S100Z: variants seen among roughly 807,000 people sequenced by gnomAD.
S100Z encodes S100 calcium binding protein Z.
A neutral mutation model predicts 8.5 loss-of-function variants in S100Z; 11 were observed. That is an observed-to-expected ratio of 1.30 (90% CI 0.82 to 2.15). The LOEUF (loss-of-function observed/expected upper bound fraction) is 2.15. Among genes scored for constraint, S100Z ranks in the 30% most tolerant of loss-of-function variants. The pLI, the probability that S100Z is intolerant of heterozygous loss-of-function variation, is 0.00. For synonymous variants in S100Z, 34 were observed against 43.8 expected, an observed-to-expected ratio of 0.78 and a Z score of 0.89; for missense variants, 126 against 117.9, an observed-to-expected ratio of 1.07 and a Z score of -0.32.
intron 4 of S100Z, among the ~76,000 whole-genome samples, chr5:76,890,545 A>C (rs1743821354): frequency 6.6e-6 from 1 of 152,134 alleles, no homozygotes; most frequent in Non-Finnish European, 1.5e-5. Flanking sequence ...AGCTGCCTGG[A>C]AGTCTGAGGC....
At chr5:76,936,616 T>TAAACACAC in the S100Z span, among the ~76,000 whole-genome samples, 1 of 134,068 alleles carries the variant, frequency 7.5e-6, no homozygotes, top group African/African-American at 2.8e-5. Context: ...TTAAAGTTCC[T>TAAACACAC]ACACACACAC....
At chr5:76,859,756 G>C (rs946021553) in intron 1 of S100Z, among the ~76,000 whole-genome samples, 3 of 90,964 alleles carry the variant, frequency 3.3e-5, no homozygotes, top group Non-Finnish European at 4.4e-5. Context: ...ACTACAGCCA[G>C]GGCAACAGAG....
At chr5:76,867,437 G>C (rs952722514) in intron 1 of S100Z, among the ~76,000 whole-genome samples, 1 of 152,152 alleles carries the variant, frequency 6.6e-6, no homozygotes, top group African/African-American at 2.4e-5. Flanking sequence ...GAGGGTGTCT[G>C]CCTGCCCGGT....
At chr5:76,860,804 T>C (rs1033229280) in intron 1 of S100Z, among the ~76,000 whole-genome samples, 1 of 152,206 alleles carries the variant, frequency 6.6e-6, no homozygotes, top group Non-Finnish European at 1.5e-5. Flanking sequence ...AAAGGTGCTA[T>C]ACAAAATAGG....
chr5:76,872,112 G>C (rs1743032032), intron 2 of S100Z, among the ~76,000 whole-genome samples: 1 of 152,104 alleles, frequency 6.6e-6, no homozygotes, highest in Admixed American at 6.5e-5. Flanking sequence ...GAATGGTGGT[G>C]TGCACCTGTG....
chr5:76,942,433 C>CAAAAAAAAAAAAA, the S100Z span, among the ~76,000 whole-genome samples: 28 of 113,114 alleles, frequency 2.5e-4, no homozygotes, highest in Admixed American at 5.2e-4. Context: ...TTATATTGGC[C>CAAAAAAAAAAAAA]AAAAAAAAAA....
intron 4 of S100Z, among the ~76,000 whole-genome samples, chr5:76,919,553 T>TCCC (rs1744969465): frequency 9.5e-6 from 1 of 105,680 alleles, no homozygotes; most frequent in African/African-American, 3.9e-5. Context: ...CCTCCCTCCC[T>TCCC]TCCTTCCTTC....
chr5:76,872,499 A>C (rs1189746013), intron 2 of S100Z, among the ~76,000 whole-genome samples: 1 of 150,308 alleles, frequency 6.7e-6, no homozygotes, highest in East Asian at 2.0e-4. Flanking sequence ...CCATATCTAC[A>C]AAAATAAAAA....
downstream of S100Z, among the ~76,000 whole-genome samples, chr5:76,925,814 A>G (rs1308330568): frequency 3.9e-5 from 6 of 151,972 alleles, no homozygotes; most frequent in African/African-American, 1.5e-4. Flanking sequence ...TAAAAATACA[A>G]ATTTTAGCAG....
intron 2 of S100Z, among the ~76,000 whole-genome samples, chr5:76,874,759 T>C (rs1309509943): frequency 1.3e-5 from 2 of 152,186 alleles, no homozygotes; most frequent in Non-Finnish European, 2.9e-5. Flanking sequence ...GTCTTATGAA[T>C]ATGCTGGAGC....
intron 4 of S100Z, among the ~76,000 whole-genome samples, chr5:76,909,617 C>T (rs754316393): frequency 1.3e-4 from 20 of 152,138 alleles, no homozygotes; most frequent in East Asian, 3.9e-4. Flanking sequence ...TAATCTCCCC[C>T]GCCCAGAAGG....
intron 4 of S100Z, among the ~76,000 whole-genome samples, chr5:76,880,138 T>TA (rs1743351378): frequency 6.6e-6 from 1 of 152,114 alleles, no homozygotes; most frequent in Non-Finnish European, 1.5e-5. Context: ...GCAAAGAACT[T>TA]TCTTAAGGGT....
intron 1 of S100Z, among the ~76,000 whole-genome samples, chr5:76,856,048 C>T (rs1034958843): frequency 1.3e-5 from 2 of 152,152 alleles, no homozygotes; most frequent in East Asian, 3.8e-4. Flanking sequence ...CTTTCTTCCT[C>T]CTCCTTCCTC....
At chr5:76,904,477 C>T (rs368563772) in intron 4 of S100Z, among the ~76,000 whole-genome samples, 1 of 151,884 alleles carries the variant, frequency 6.6e-6, no homozygotes, top group Non-Finnish European at 1.5e-5. Flanking sequence ...GATGGGGTTT[C>T]GCCACGTTGG....
intron 4 of S100Z, among the ~76,000 whole-genome samples, chr5:76,887,586 C>T (rs1244042699): frequency 4.0e-5 from 6 of 151,804 alleles, no homozygotes; most frequent in African/African-American, 4.8e-5. Flanking sequence ...TTAGTAGAGA[C>T]GGGGTCTCAC....
chr5:76,888,367 ATTTTTTTTTTTT>A (rs1171043164), intron 4 of S100Z, among the ~76,000 whole-genome samples: 1 of 45,426 alleles, frequency 2.2e-5, no homozygotes, highest in Non-Finnish European at 3.8e-5. Context: ...AAGTGCTGGT[ATTTTTTTTTTTT>A]TTTTTTTTTT....
chr5:76,861,294 G>A (rs892902592), intron 1 of S100Z, among the ~76,000 whole-genome samples: 1 of 152,130 alleles, frequency 6.6e-6, no homozygotes, highest in Non-Finnish European at 1.5e-5. Flanking sequence ...TGTGGCAGCT[G>A]ATTGCCTCCA....
At chr5:76,904,674 G>A (rs993954258) in intron 4 of S100Z, among the ~76,000 whole-genome samples, 1 of 151,654 alleles carries the variant, frequency 6.6e-6, no homozygotes, top group African/African-American at 2.4e-5. Context: ...ATGCTTTTTG[G>A]TCCACAGGTG....
intron 4 of S100Z, among the ~76,000 whole-genome samples, chr5:76,885,282 G>C (rs1743563814): frequency 6.6e-6 from 1 of 152,158 alleles, no homozygotes; most frequent in African/African-American, 2.4e-5. Flanking sequence ...TGGAGAGAAG[G>C]GGTAGGGGGT....
Sources: allele counts gnomAD v4.1 joint callset (sites outside exome capture counted in the v4.1 genomes callset), GRCh38; gene constraint gnomAD v4.1.1; transcripts MANE v1.5; gene names NCBI Gene and HGNC (gene_info 2026-07-23, HGNC 2026-07-21).